Variants in DGKG observed in about 807,000 individuals in gnomAD.
DGKG encodes the protein DAG kinase gamma.
Under a neutral mutation model 105.3 loss-of-function variants are expected in DGKG, and 78 were observed. That is an observed-to-expected ratio of 0.74 (90% CI 0.62 to 0.89). DGKG has a LOEUF of 0.89. Among genes scored for constraint, DGKG ranks in the 40% least tolerant of loss-of-function variants. The pLI is 0.00. For synonymous variants in DGKG, 346 were observed against 367.1 expected, an observed-to-expected ratio of 0.94 and a Z score of 0.66; for missense variants, 958 against 1,020.1, an observed-to-expected ratio of 0.94 and a Z score of 0.83.
intron 21 of DGKG, among the ~76,000 whole-genome samples, chr3:186,208,374 C>T (rs1039694832): frequency 6.6e-6 from 1 of 151,188 alleles, no homozygotes; most frequent in Non-Finnish European, 1.5e-5. Context: ...ACCTTCCCTG[C>T]AGTCTCTCAT....
At chr3:186,336,433 C>G (rs943622031) in intron 1 of DGKG, among the ~76,000 whole-genome samples, 1 of 152,104 alleles carries the variant, frequency 6.6e-6, no homozygotes, top group Non-Finnish European at 1.5e-5. Flanking sequence ...TAGTAGATTA[C>G]AATTTGGTTA....
intron 22 of DGKG, among the ~76,000 whole-genome samples, chr3:186,186,200 A>T (rs59107919): frequency 6.6e-6 from 1 of 151,872 alleles, no homozygotes; most frequent in African/African-American, 2.4e-5. Context: ...GGAATATAAC[A>T]ATCTGATTGT....
chr3:186,353,694 CTA>C (rs1726763821), intron 1 of DGKG, among the ~76,000 whole-genome samples: 1 of 120,114 alleles, frequency 8.3e-6, no homozygotes, highest in African/African-American at 3.3e-5. Flanking sequence ...ATATCTATAT[CTA>C]TATCTATATA....
At position 186,148,878 on chromosome 3, in the gene DGKG, TC is replaced by T. The variant is rs1419482554; in HGVS notation, c.*1211del. 9.1e-6 allele frequency: 9 copies of T among 984,200 alleles called. No homozygotes were observed. Among genetic ancestry groups the T allele is most frequent in the Admixed American group, 1.2e-4 (2 of 16,102 alleles). The allele number at this position is 984,200 out of a possible 1,614,324, so 61.0% of individuals were successfully genotyped here. ...CGGTGGAGTGGGGGAGTGAGAACCTTCTTTTTCCTTACCACTTTCTGTCTCA... is the reference window on the plus strand; with the variant it reads ...CGGTGGAGTGGGGGAGTGAGAACCTTTTTTTCCTTACCACTTTCTGTCTCA... On this transcript the variant is annotated 3_prime_UTR_variant, in exon 25 of 25. Coordinates refer to ENST00000265022, the MANE Select transcript of DGKG (RefSeq NM_001346.3).
At chr3:186,256,520 G>A (rs1277308946) in intron 17 of DGKG, among the ~76,000 whole-genome samples, 3 of 152,190 alleles carry the variant, frequency 2.0e-5, no homozygotes, top group South Asian at 2.1e-4. Flanking sequence ...AGTGGCCTCC[G>A]AACTGATCTC....
At chr3:186,306,666 G>C (rs1724254128) in intron 3 of DGKG, 2 of 459,082 alleles carry the variant, frequency 4.4e-6, no homozygotes, top group African/African-American at 2.0e-5. Flanking sequence ...AGGAGAGGAG[G>C]GGTGAGAGAT....
chr3:186,281,817 TG>T (rs1401538650), intron 7 of DGKG, among the ~76,000 whole-genome samples: 7 of 152,142 alleles, frequency 4.6e-5, no homozygotes, highest in Non-Finnish European at 1.0e-4. Flanking sequence ...GACTCAGTCT[TG>T]GGCTATGAAA....
intron 21 of DGKG, among the ~76,000 whole-genome samples, chr3:186,192,340 A>G (rs948170072): frequency 6.6e-6 from 1 of 152,152 alleles, no homozygotes; most frequent in Admixed American, 6.5e-5. Context: ...CACCCTCTAG[A>G]TGAAGCAGCC....
At chr3:186,217,817 G>A (rs1441482358) in intron 20 of DGKG, among the ~76,000 whole-genome samples, 2 of 152,172 alleles carry the variant, frequency 1.3e-5, no homozygotes, top group African/African-American at 4.8e-5. Context: ...TAAGGGCATT[G>A]GGCTTTTGAA....
chr3:186,170,007 A>G (rs1187879646), intron 22 of DGKG, among the ~76,000 whole-genome samples: 1 of 152,188 alleles, frequency 6.6e-6, no homozygotes, highest in Non-Finnish European at 1.5e-5. Context: ...TGCTGTGAAA[A>G]GCACTAGCCG....
chr3:186,334,907 T>G (rs1725758513), intron 1 of DGKG, among the ~76,000 whole-genome samples: 1 of 152,198 alleles, frequency 6.6e-6, no homozygotes, highest in Admixed American at 6.5e-5. Flanking sequence ...ATATCTGTAA[T>G]AATTTTAAAC....
chr3:186,277,788 A>T (rs1722652739), intron 9 of DGKG, among the ~76,000 whole-genome samples: 1 of 152,070 alleles, frequency 6.6e-6, no homozygotes, highest in African/African-American at 2.4e-5. Context: ...ACCAGGTTTT[A>T]TGCTGCTGCT....
chr3:186,188,442 CTGTG>C (rs1221493875), intron 21 of DGKG, 63 bp from the exon 22 acceptor site: 3 of 1,526,424 alleles, frequency 2.0e-6, no homozygotes, highest in Non-Finnish European at 1.8e-6. Flanking sequence ...CCAAGGTGCT[CTGTG>C]TGTGTGCGTG....
At chr3:186,161,217 G>T in intron 24 of DGKG, 1 of 995,366 alleles carries the variant, frequency 1.0e-6, no homozygotes, top group Non-Finnish European at 1.2e-6. Context: ...ACGTAAGGAA[G>T]CAATTTGACT....
At chr3:186,316,510 A>G (rs1346673340) in intron 2 of DGKG, among the ~76,000 whole-genome samples, 1 of 152,244 alleles carries the variant, frequency 6.6e-6, no homozygotes, top group Non-Finnish European at 1.5e-5. Flanking sequence ...TCATCGTTTT[A>G]TAATACAAAT....
In DGKG at chr3:186,211,874, T is replaced by C; in HGVS notation, c.1838A>G (p.Lys613Arg). ...GGTGCCAAATTCAAAGTACCACAGCTTGTTCTTCATCCTGGACCACAAAGC... is the reference window on the plus strand; with the variant it reads ...GGTGCCAAATTCAAAGTACCACAGCCTGTTCTTCATCCTGGACCACAAAGC... ...PEKFNSRMKN[K>R]LWYFEFGTSE... Residue 613 changes from lysine (K) to arginine (R), a missense_variant, in exon 21 of 25, where the codon AAG (lysine) becomes AGG (arginine). Around this residue, in one of 2 missense-constraint regions of DGKG, gnomAD observed 315 missense variants for 400.6 expected, o/e 0.79. Transcript: ENST00000265022. The C allele has an allele frequency of 6.2e-7, 1 of 1,613,970 alleles. No homozygotes were observed. Among genetic ancestry groups the C allele is most frequent in the Non-Finnish European group, 8.5e-7 (1 of 1,179,786 alleles).
At chr3:186,264,501 C>T (rs1451246513) in intron 14 of DGKG, among the ~76,000 whole-genome samples, 7 of 152,168 alleles carry the variant, frequency 4.6e-5, no homozygotes, top group Non-Finnish European at 8.8e-5. Flanking sequence ...TGACCTTAGG[C>T]GATTTGCCCG....
At chr3:186,326,397 T>TCAAAAAAAAAAAAAAAAAAAAAAAAAA (rs1560156258) in intron 1 of DGKG, among the ~76,000 whole-genome samples, 2 of 149,724 alleles carry the variant, frequency 1.3e-5, no homozygotes, top group African/African-American at 5.0e-5. Flanking sequence ...AGACACTGTC[T>TCAAAAAAAAAAAAAAAAAAAAAAAAAA]TAAAAAAAAA....
At chr3:186,281,278 C>G (rs2108595758) in intron 7 of DGKG, 1 of 154,024 alleles carries the variant, frequency 6.5e-6, no homozygotes, top group Non-Finnish European at 1.4e-5. Context: ...CATGGTCCAG[C>G]CCTTAGCCCA....
Sources: allele counts gnomAD v4.1 joint callset (sites outside exome capture counted in the v4.1 genomes callset), GRCh38; gene constraint gnomAD v4.1.1; regional missense constraint gnomAD v4.1.1; transcripts MANE v1.5; gene names NCBI Gene and HGNC (gene_info 2026-07-23, HGNC 2026-07-21).